Variants in TNKS observed in about 807,000 individuals in gnomAD.
The protein encoded by TNKS is tankyrase.
A neutral mutation model predicts 135.8 loss-of-function variants in TNKS; 72 were observed. The observed-to-expected ratio is 0.53, with a 90% CI of 0.44 to 0.64. TNKS has a LOEUF of 0.64. Among genes scored for constraint, TNKS ranks in the 30% least tolerant of loss-of-function variants. The probability of loss-of-function intolerance (pLI) is 0.00; values close to 1 mark genes in which losing one functional copy is unlikely to be tolerated. For synonymous variants in TNKS, 849 were observed against 649.3 expected (o/e 1.31, Z -4.68); for missense variants, 1,769 against 1,674.0 (o/e 1.06, Z -0.99).
chr8:9,718,630 G>C (rs1804723008), intron 11 of TNKS, among the ~76,000 whole-genome samples: 1 of 152,114 alleles, frequency 6.6e-6, no homozygotes, highest in African/African-American at 2.4e-5. Flanking sequence ...TGCTCAGTTA[G>C]AAATGAAAAT....
chr8:9,649,394 C>G (rs1401266021), intron 3 of TNKS, among the ~76,000 whole-genome samples: 1 of 152,094 alleles, frequency 6.6e-6, no homozygotes, highest in East Asian at 1.9e-4. Flanking sequence ...CATATCCAGG[C>G]TATTTAATAC....
rs573638364 is a variant in TNKS at position 9,771,682 on chromosome 8, A to G, written c.3897+1420A>G. On this transcript the variant is annotated intron_variant, in intron 26 of 26. Transcript: ENST00000310430. Reference sequence around the variant, plus strand: ...AGGGGAGAGGCAGGAAGGGAGGGAGAGAGAGAGAGAGAGAGAGGAAGGGAG... The same window carrying G: ...AGGGGAGAGGCAGGAAGGGAGGGAGGGAGAGAGAGAGAGAGAGGAAGGGAG... Among the ~76,000 whole-genome samples the G allele has an allele frequency of 6.6e-3, 772 of 117,760 alleles. 22 individuals are homozygous for G. The highest frequency in any genetic ancestry group is 0.023 in the African/African-American group (637 of 27,406). The allele number at this position is 117,760 out of a possible 152,430, so 77.3% of individuals were successfully genotyped here.
At chr8:9,692,354 G>T (rs965520049) in intron 5 of TNKS, among the ~76,000 whole-genome samples, 1 of 152,110 alleles carries the variant, frequency 6.6e-6, no homozygotes, top group African/African-American at 2.4e-5. Flanking sequence ...CATCCATGTC[G>T]CTGTAAAGGT....
intron 3 of TNKS, among the ~76,000 whole-genome samples, chr8:9,646,765 C>A (rs1372894366): frequency 5.3e-5 from 8 of 152,050 alleles, no homozygotes; most frequent in Non-Finnish European, 1.2e-4. Flanking sequence ...TCAGTTTAGT[C>A]CAGCTTCTAG....
chr8:9,642,741 G>A (rs777961117), intron 3 of TNKS, among the ~76,000 whole-genome samples: 9 of 145,644 alleles, frequency 6.2e-5, no homozygotes, highest in Non-Finnish European at 9.0e-5. Context: ...GTAATTGGAC[G>A]TTTAGTAAAA....
At chr8:9,653,595 T>C (rs1336437053) in intron 3 of TNKS, among the ~76,000 whole-genome samples, 1 of 151,974 alleles carries the variant, frequency 6.6e-6, no homozygotes, top group African/African-American at 2.4e-5. Flanking sequence ...ACTCTCGTGG[T>C]AGCAAATTCA....
intron 1 of TNKS, among the ~76,000 whole-genome samples, chr8:9,573,802 A>C (rs1797847358): frequency 6.6e-6 from 1 of 152,220 alleles, no homozygotes; most frequent in Non-Finnish European, 1.5e-5. Context: ...AATGACTTTA[A>C]GATGTGATTT....
intron 26 of TNKS, among the ~76,000 whole-genome samples, chr8:9,772,817 G>GTT (rs1392780099): frequency 1.3e-5 from 1 of 78,878 alleles, no homozygotes; most frequent in African/African-American, 5.6e-5. Context: ...GTTTGTGTGT[G>GTT]TGTGTGTGTG....
At chr8:9,619,098 C>T (rs1422535749) in intron 3 of TNKS, among the ~76,000 whole-genome samples, 1 of 152,132 alleles carries the variant, frequency 6.6e-6, no homozygotes, top group Non-Finnish European at 1.5e-5. Flanking sequence ...TTAATCAATT[C>T]TGTTGGAAGT....
chr8:9,679,847 T>G, intron 3 of TNKS, 104 bp from the exon 4 acceptor site: 1 of 976,800 alleles, frequency 1.0e-6, no homozygotes, highest in Non-Finnish European at 1.6e-6. Context: ...GTGTGGACTC[T>G]CTTTTTCTGT....
intron 25 of TNKS, among the ~76,000 whole-genome samples, chr8:9,768,801 T>G (rs1048556922): frequency 4.6e-5 from 7 of 152,218 alleles, no homozygotes; most frequent in South Asian, 2.1e-4. Flanking sequence ...CCCTTTTCTC[T>G]GGGACCTGCA....
intron 12 of TNKS, 118 bp downstream of exon 12, chr8:9,720,663 A>T (rs2128812699): frequency 1.6e-6 from 2 of 1,218,616 alleles, no homozygotes; most frequent in East Asian, 5.6e-5. Flanking sequence ...CTTTTCTTGC[A>T]ATTTAGCCTG....
At chr8:9,685,637 T>A (rs1171034456) in intron 5 of TNKS, among the ~76,000 whole-genome samples, 4 of 152,220 alleles carry the variant, frequency 2.6e-5, no homozygotes, top group Non-Finnish European at 5.9e-5. Flanking sequence ...CTATAAAGCA[T>A]ATAATTTAAT....
chr8:9,708,554 A>AT, intron 9 of TNKS, 62 bp downstream of exon 9: 1 of 1,365,754 alleles, frequency 7.3e-7, no homozygotes, highest in Non-Finnish European at 9.6e-7. Context: ...ACAAAATATG[A>AT]TTTTCATTTC....
At chr8:9,612,517 G>A (rs556114871) in intron 2 of TNKS, among the ~76,000 whole-genome samples, 6 of 152,146 alleles carry the variant, frequency 3.9e-5, no homozygotes, top group Non-Finnish European at 7.4e-5. Context: ...TCTTGTTTTC[G>A]TATGGCTTGC....
intron 18 of TNKS, among the ~76,000 whole-genome samples, chr8:9,750,971 A>T (rs895897706): frequency 6.6e-6 from 1 of 152,252 alleles, no homozygotes; most frequent in African/African-American, 2.4e-5. Flanking sequence ...AGACACTGCC[A>T]ATCCACTTAA....
chr8:9,634,748 C>G (rs1157244606), intron 3 of TNKS, among the ~76,000 whole-genome samples: 1 of 152,056 alleles, frequency 6.6e-6, no homozygotes, highest in African/African-American at 2.4e-5. Flanking sequence ...CAGTGGAGCA[C>G]ACCTGCTTCC....
chr8:9,652,964 G>C lies in TNKS; in HGVS notation c.995-26987G>C, dbSNP rs928382473. Among the ~76,000 whole-genome samples, 4 of 152,182 alleles carry C rather than the reference G, an allele frequency of 2.6e-5. No individual in the cohort carries two copies. The East Asian group carries it at 5.8e-4, about 22-fold the overall frequency. Reference sequence around the variant, plus strand: ...TTCATTTAAAATGTCTAGCCCTAGAGGTTATCCTCCTTGTTAGAACTCACC... The same window carrying C: ...TTCATTTAAAATGTCTAGCCCTAGACGTTATCCTCCTTGTTAGAACTCACC... On this transcript the variant is annotated intron_variant, in intron 3 of 26. Coordinates refer to ENST00000310430, the MANE Select transcript of TNKS (RefSeq NM_003747.3).
At chr8:9,761,404 A>G in intron 20 of TNKS, 112 bp from the exon 21 acceptor site, 1 of 1,171,988 alleles carries the variant, frequency 8.5e-7, no homozygotes, top group Non-Finnish European at 1.2e-6. Flanking sequence ...AAAGGGAACA[A>G]AAGAATTTTC....
Sources: gnomAD v4.1 joint callset for allele counts (sites outside exome capture counted in the v4.1 genomes callset) on GRCh38, gnomAD v4.1.1 for gene constraint, MANE v1.5 for transcripts, NCBI Gene and HGNC (gene_info 2026-07-23, HGNC 2026-07-21) for gene names.